GRIP1: variants seen among roughly 807,000 people sequenced by gnomAD.
GRIP1 encodes the protein glutamate receptor interacting protein 1, also known as glutamate receptor-interacting protein 1.
In GRIP1, 45 loss-of-function variants were observed where a neutral mutation model predicts 129.9. The ratio of observed to expected loss-of-function variants is 0.35; its 90% CI spans 0.27 to 0.44. The LOEUF is 0.44. Ranked by LOEUF, GRIP1 falls within the 20% of genes least tolerant of loss-of-function variation. The pLI is 1.00. For missense variants in GRIP1, 1,196 were observed against 1,396.8 expected (o/e 0.86, Z 2.29); for synonymous variants, 530 against 520.8 (o/e 1.02, Z -0.24).
At chr12:66,516,486 A>C (rs1447435459) in intron 6 of GRIP1, among the ~76,000 whole-genome samples, 1 of 152,138 alleles carries the variant, frequency 6.6e-6, no homozygotes, top group Non-Finnish European at 1.5e-5. Flanking sequence ...AAAGAATAAT[A>C]ATGACCTTTG....
intron 1 of GRIP1, among the ~76,000 whole-genome samples, chr12:66,621,878 C>T (rs2065283337): frequency 6.6e-6 from 1 of 152,080 alleles, no homozygotes; most frequent in Admixed American, 6.6e-5. Flanking sequence ...GCTTATGGCC[C>T]ATTTGTGTAT....
chr12:66,710,327 T>G (rs1351196673), intron 1 of GRIP1, among the ~76,000 whole-genome samples: 4 of 152,108 alleles, frequency 2.6e-5, no homozygotes, highest in African/African-American at 2.4e-5. Flanking sequence ...TAATAAATAG[T>G]CTCTTTAAAA....
intron 16 of GRIP1, among the ~76,000 whole-genome samples, chr12:66,401,609 T>TATATATATATATACACACACAC (rs1169241331): frequency 6.4e-5 from 7 of 110,186 alleles, no homozygotes; most frequent in Middle Eastern, 4.7e-3. Context: ...TATATATATA[T>TATATATATATATACACACACAC]ACACACACAC....
At chr12:66,937,513 T>C (rs140883707) in intron 1 of GRIP1, among the ~76,000 whole-genome samples, 3 of 152,256 alleles carry the variant, frequency 2.0e-5, no homozygotes, top group Admixed American at 6.5e-5. Flanking sequence ...GGCACAACAA[T>C]TTAATTAAGT....
intron 1 of GRIP1, among the ~76,000 whole-genome samples, chr12:66,630,542 A>G (rs533198127): frequency 1.3e-5 from 2 of 152,196 alleles, no homozygotes; most frequent in African/African-American, 2.4e-5. Flanking sequence ...GAGAAAAGTA[A>G]GTCTTGGAGA....
chr12:66,703,965 G>C (rs2035438364), intron 1 of GRIP1, among the ~76,000 whole-genome samples: 1 of 151,782 alleles, frequency 6.6e-6, no homozygotes. Context: ...ATAAGAAAAA[G>C]GGAAGGAAAA....
At chr12:66,448,105 T>C (rs1218629473) in intron 11 of GRIP1, among the ~76,000 whole-genome samples, 1 of 152,026 alleles carries the variant, frequency 6.6e-6, no homozygotes, top group African/African-American at 2.4e-5. Flanking sequence ...CTTTCTCTTG[T>C]TTTTGTCAAG....
intron 7 of GRIP1, among the ~76,000 whole-genome samples, chr12:66,509,774 A>G (rs770649077): frequency 1.3e-5 from 2 of 152,096 alleles, no homozygotes; most frequent in Non-Finnish European, 2.9e-5. Flanking sequence ...ATGGAGGGGA[A>G]CAACACACAC....
chr12:66,896,159 C>T (rs2040743385), intron 1 of GRIP1, among the ~76,000 whole-genome samples: 1 of 152,116 alleles, frequency 6.6e-6, no homozygotes, highest in Admixed American at 6.5e-5. Context: ...CTGGAGCTTG[C>T]TACAAGGGTG....
chr12:66,890,024 G>A (rs1315104019), intron 1 of GRIP1, among the ~76,000 whole-genome samples: 3 of 151,910 alleles, frequency 2.0e-5, no homozygotes, highest in African/African-American at 4.8e-5. Flanking sequence ...TGACCTCCCA[G>A]GCTCTCAAAC....
chr12:67,048,123 C>T (rs895692826), intron 1 of GRIP1, among the ~76,000 whole-genome samples: 2 of 151,364 alleles, frequency 1.3e-5, no homozygotes, highest in East Asian at 3.9e-4. Context: ...CTATTCCCTG[C>T]ATGAGCTTCC....
chr12:66,677,346 T>C (rs962557310), intron 1 of GRIP1, among the ~76,000 whole-genome samples: 2 of 152,166 alleles, frequency 1.3e-5, no homozygotes, highest in African/African-American at 4.8e-5. Context: ...CTGATACAGA[T>C]GAATAGAAAA....
intron 1 of GRIP1, among the ~76,000 whole-genome samples, chr12:66,819,560 A>G (rs1334312359): frequency 1.3e-5 from 2 of 152,228 alleles, no homozygotes; most frequent in East Asian, 3.8e-4. Flanking sequence ...ATTTTTAAAT[A>G]ATATGCATTG....
intron 1 of GRIP1, among the ~76,000 whole-genome samples, chr12:66,910,904 A>T (rs1418197622): frequency 6.6e-6 from 1 of 152,160 alleles, no homozygotes; most frequent in Admixed American, 6.5e-5. Flanking sequence ...TCCAGGTCAG[A>T]CTTCAATTTG....
Position 66,591,043 on chromosome 12 carries a change from A to G in GRIP1, c.136+5804T>C, listed in dbSNP as rs535525557. 8.5e-5 allele frequency among the ~76,000 whole-genome samples: 13 copies of G among 152,312 alleles called. No homozygotes were observed. The South Asian group carries it at 2.7e-3, about 32-fold the overall frequency. On this transcript the variant is annotated intron_variant, in intron 2 of 24. Transcript: ENST00000359742. ...CCTAACATTTACTAAGCACTGTTCT[A>G]TGCACTGGAGATAACAGGTGAACAA...
At chr12:67,015,381 G>C (rs1361442480) in intron 1 of GRIP1, among the ~76,000 whole-genome samples, 1 of 152,128 alleles carries the variant, frequency 6.6e-6, no homozygotes, top group East Asian at 1.9e-4. Flanking sequence ...ATATTTCACT[G>C]TCCCCAAGAG....
chr12:66,566,889 ATTTCTTCTAGAT>A (rs2062781347), intron 2 of GRIP1, among the ~76,000 whole-genome samples: 1 of 151,964 alleles, frequency 6.6e-6, no homozygotes, highest in Non-Finnish European at 1.5e-5. Context: ...GAATTTACCC[ATTTCTTCTAGAT>A]TTTCTAGTTT....
chr12:66,849,979 T>C (rs1037806996), intron 1 of GRIP1, among the ~76,000 whole-genome samples: 6 of 152,166 alleles, frequency 3.9e-5, no homozygotes, highest in Non-Finnish European at 7.3e-5. Flanking sequence ...CACAGTTTCC[T>C]CTTTCCTCAT....
At chr12:66,516,049 C>T (rs1239057811) in intron 6 of GRIP1, among the ~76,000 whole-genome samples, 2 of 152,102 alleles carry the variant, frequency 1.3e-5, no homozygotes, top group Non-Finnish European at 2.9e-5. Flanking sequence ...GCACATTTTC[C>T]CTTTTTCTAG....
Sources: allele counts gnomAD v4.1 joint callset (sites outside exome capture counted in the v4.1 genomes callset), GRCh38; gene constraint gnomAD v4.1.1; transcripts MANE v1.5; gene names NCBI Gene and HGNC (gene_info 2026-07-23, HGNC 2026-07-21).